The following P3H2 variants were observed in gnomAD, a reference collection of about 807,000 sequenced individuals.
P3H2 encodes the protein prolyl 3-hydroxylase 2.
A neutral mutation model predicts 87.0 loss-of-function variants in P3H2; 80 were observed. The observed-to-expected ratio is 0.92, with a 90% confidence interval of 0.77 to 1.11. P3H2 has a LOEUF of 1.11. P3H2 is among the 50% of genes least tolerant of loss of function. The probability of loss-of-function intolerance (pLI) is 0.00; values close to 1 mark genes in which losing one functional copy is unlikely to be tolerated. For synonymous variants in P3H2, 367 were observed against 359.3 expected (o/e 1.02, Z -0.24); for missense variants, 1,001 against 923.9 (o/e 1.08, Z -1.08).
chr3:189,960,538 A>C (rs1162198589), intron 14 of P3H2, among the ~76,000 whole-genome samples: 2 of 152,164 alleles, frequency 1.3e-5, no homozygotes, highest in African/African-American at 4.8e-5. Flanking sequence ...CTTTTTTTCA[A>C]ATGCCATCTC....
In P3H2 at chr3:189,957,396, CAAG is replaced by C. The variant is rs1431139723; in HGVS notation, c.*513_*515del. The C allele has an allele frequency of 5.1e-6, 2 of 394,446 alleles. No homozygotes were observed. The highest frequency in any genetic ancestry group is 8.9e-6 in the Non-Finnish European group (2 of 224,532). 24.4% of individuals were successfully genotyped at this position (394,446 alleles called of 1,614,324 possible). ...CACGTGAGAGTTGTAGTTTCACCAC[CAAG>C]AAGCTTATTCTCTCTAAGCTTTTGA... On this transcript the variant is annotated 3_prime_UTR_variant, in exon 15 of 15. Coordinates refer to ENST00000319332, the MANE Select transcript of P3H2 (RefSeq NM_018192.4).
chr3:190,038,643 C>A (rs1015953068), intron 1 of P3H2, among the ~76,000 whole-genome samples: 17 of 152,042 alleles, frequency 1.1e-4, no homozygotes, highest in Non-Finnish European at 1.8e-4. Context: ...AAAGTTGGTC[C>A]CCTAGGATGC....
At chr3:190,119,564 C>T (rs1307049017) in intron 1 of P3H2, among the ~76,000 whole-genome samples, 1 of 152,158 alleles carries the variant, frequency 6.6e-6, no homozygotes, top group Non-Finnish European at 1.5e-5. Flanking sequence ...GGACTGATGC[C>T]TAGTAACCCA....
At chr3:189,963,607 G>T (rs1440850280) in intron 14 of P3H2, 1 of 264,038 alleles carries the variant, frequency 3.8e-6, no homozygotes, top group African/African-American at 2.2e-5. Context: ...ACCACATCCA[G>T]CTAATTTTGT....
chr3:190,120,418 G>GCGCCGGGGCCCT lies in P3H2; in HGVS notation c.302_313dup (p.Glu101_Gly104dup). On this transcript the variant is annotated inframe_insertion, in exon 1 of 15. Transcript: ENST00000319332. ...CAAGGAGCGGAAAAGGGGCAGCTCA[G>GCGCCGGGGCCCT]CGCCGGGGCCCTCGCCGGGGGGCGG... 6.7e-7 allele frequency: 1 copy of GCGCCGGGGCCCT among 1,485,110 alleles called. No homozygotes were observed. The highest frequency in any genetic ancestry group is 8.9e-7 in the Non-Finnish European group (1 of 1,125,294). 92.0% of individuals were successfully genotyped at this position (1,485,110 alleles called of 1,614,324 possible). A position where few individuals can be genotyped will look rare whatever the true frequency, so the allele number is the denominator to read the frequency against.
At chr3:190,098,220 C>G (rs561106091) in intron 1 of P3H2, among the ~76,000 whole-genome samples, 1 of 152,086 alleles carries the variant, frequency 6.6e-6, no homozygotes, top group South Asian at 2.1e-4. Context: ...CATACGTGTT[C>G]CATAATCAAT....
At chr3:190,045,903 C>T (rs1389877235) in intron 1 of P3H2, among the ~76,000 whole-genome samples, 5 of 152,154 alleles carry the variant, frequency 3.3e-5, no homozygotes, top group South Asian at 2.1e-4. Flanking sequence ...GGGCAGATCA[C>T]GAGGTCAGGA....
Position 189,994,299 on chromosome 3 carries a change from C to CA in P3H2, c.634-17_634-16insT, listed in dbSNP as rs772418170. ...TGTAACTCTCCTGTAATGAAACAGA[C>CA]GGGAAAAAACAAACAAACAAACAAA... On this transcript the variant is annotated splice_polypyrimidine_tract_variant and intron_variant, in intron 2 of 14. Coordinates refer to ENST00000319332, the MANE Select transcript of P3H2 (RefSeq NM_018192.4). The CA allele has an allele frequency of 1.1e-4, 148 of 1,313,908 alleles. 2 individuals carry two copies. Among genetic ancestry groups the CA allele is most frequent in the South Asian group, 3.5e-4 (28 of 78,902 alleles). The allele number at this position is 1,313,908 out of a possible 1,614,324, so 81.4% of individuals were successfully genotyped here.
intron 1 of P3H2, among the ~76,000 whole-genome samples, chr3:190,015,440 T>C (rs1404927748): frequency 1.3e-5 from 2 of 152,206 alleles, no homozygotes; most frequent in African/African-American, 2.4e-5. Context: ...CAGAGCCCCC[T>C]TGGCTCTGTT....
chr3:190,090,241 C>T (rs1266324103), intron 1 of P3H2, among the ~76,000 whole-genome samples: 1 of 152,004 alleles, frequency 6.6e-6, no homozygotes, highest in Non-Finnish European at 1.5e-5. Context: ...TTATTTTTTT[C>T]CATTTCTCCT....
chr3:190,064,159 T>G (rs1726422061), intron 1 of P3H2, among the ~76,000 whole-genome samples: 1 of 151,002 alleles, frequency 6.6e-6, no homozygotes, highest in South Asian at 2.1e-4. Flanking sequence ...ACCTAACTTT[T>G]TTTTTTTTTT....
At chr3:190,014,167 G>C (rs550334017) in intron 1 of P3H2, among the ~76,000 whole-genome samples, 1 of 152,334 alleles carries the variant, frequency 6.6e-6, no homozygotes, top group Admixed American at 6.5e-5. Context: ...TTGAATATGA[G>C]AAGCAGGGCT....
chr3:190,035,497 ATTTTT>A (rs1166329571), intron 1 of P3H2, among the ~76,000 whole-genome samples: 1 of 151,608 alleles, frequency 6.6e-6, no homozygotes, highest in Admixed American at 6.6e-5. Flanking sequence ...TAAATCCTTC[ATTTTT>A]TTTTCTCTTG....
intron 1 of P3H2, among the ~76,000 whole-genome samples, chr3:190,036,808 T>C (rs1405639409): frequency 6.6e-6 from 1 of 152,130 alleles, no homozygotes; most frequent in East Asian, 1.9e-4. Flanking sequence ...TCTCCTCCAC[T>C]GTGATGTAAA....
chr3:190,109,931 C>A (rs1056044173), intron 1 of P3H2, among the ~76,000 whole-genome samples: 2 of 150,844 alleles, frequency 1.3e-5, no homozygotes, highest in Non-Finnish European at 2.9e-5. Context: ...TCACTGCAGC[C>A]TCTCCCTCCC....
At position 190,067,920 on chromosome 3, in the gene P3H2, A is replaced by G. The variant is rs373154252; in HGVS notation, c.480+52332T>C. 5.3e-5 allele frequency among the ~76,000 whole-genome samples: 8 copies of G among 152,264 alleles called. No homozygotes were observed. The East Asian group carries it at 1.5e-3, about 29-fold the overall frequency. ...AAAATGAATTTGAAAAGAAGACCTA[A>G]GAAAAAAATGTACATAGTTATAACA... On this transcript the variant is annotated intron_variant, in intron 1 of 14. Transcript: ENST00000319332.
intron 1 of P3H2, among the ~76,000 whole-genome samples, chr3:190,041,776 G>A (rs1719611): frequency 0.63 from 95,416 of 152,022 alleles, 30,623 homozygotes; most frequent in Admixed American, 0.73. Context: ...TTACACAAAG[G>A]CAATTTTTAA....
chr3:189,984,658 G>C (rs1560348607), intron 6 of P3H2, 68 bp from the exon 7 acceptor site: 1 of 1,125,948 alleles, frequency 8.9e-7, no homozygotes, highest in African/African-American at 1.5e-5. Flanking sequence ...ACAGAATTAA[G>C]ATAAAATAAA....
chr3:190,011,019 T>C (rs1158838646), intron 1 of P3H2, among the ~76,000 whole-genome samples: 1 of 151,866 alleles, frequency 6.6e-6, no homozygotes. Flanking sequence ...TAAGAAAAAA[T>C]ATAGTTCCTT....
Sources: gnomAD v4.1 joint callset for allele counts (sites outside exome capture counted in the v4.1 genomes callset) on GRCh38, gnomAD v4.1.1 for gene constraint, MANE v1.5 for transcripts, NCBI Gene and HGNC (gene_info 2026-07-23, HGNC 2026-07-21) for gene names.